The following TRHDE variants were observed in gnomAD, a reference collection of about 807,000 sequenced individuals.
The protein encoded by TRHDE is thyrotropin-releasing hormone-degrading ectoenzyme.
A neutral mutation model predicts 125.7 loss-of-function variants in TRHDE; 72 were observed. The observed-to-expected ratio is 0.57, with a 90% CI of 0.47 to 0.70. The LOEUF (loss-of-function observed/expected upper bound fraction) is 0.70, where lower values mean the gene tolerates loss of function less well. Ranked by LOEUF, TRHDE falls within the 30% of genes least tolerant of loss-of-function variation. TRHDE has a pLI of 0.00. For missense variants in TRHDE, 1,110 were observed against 1,327.1 expected, an observed-to-expected ratio of 0.84 and a Z score of 2.54; for synonymous variants, 509 against 509.1, an observed-to-expected ratio of 1.00 and a Z score of 0.00.
intron 1 of TRHDE, among the ~76,000 whole-genome samples, chr12:72,285,761 C>T (rs920878648): frequency 9.9e-5 from 15 of 152,082 alleles, no homozygotes; most frequent in African/African-American, 3.4e-4. Flanking sequence ...CCTCATAATC[C>T]GCCTACCTTG....
At chr12:72,390,813 A>C (rs1354436402) in intron 3 of TRHDE, among the ~76,000 whole-genome samples, 1 of 152,186 alleles carries the variant, frequency 6.6e-6, no homozygotes, top group Non-Finnish European at 1.5e-5. Flanking sequence ...TGATCTTATC[A>C]GATAATGAAG....
intron 2 of TRHDE, among the ~76,000 whole-genome samples, chr12:72,329,986 C>T (rs1261185466): frequency 1.3e-5 from 2 of 152,194 alleles, no homozygotes; most frequent in Non-Finnish European, 2.9e-5. Context: ...AATTGATCCG[C>T]TGTCAGTGCA....
chr12:72,482,886 G>T (rs1237660260), intron 5 of TRHDE, among the ~76,000 whole-genome samples: 8 of 151,856 alleles, frequency 5.3e-5, no homozygotes, highest in African/African-American at 1.9e-4. Flanking sequence ...CAAATTTGTT[G>T]CCCTAGTTTT....
At chr12:72,658,930 T>C (rs931872834) in intron 18 of TRHDE, among the ~76,000 whole-genome samples, 2 of 152,066 alleles carry the variant, frequency 1.3e-5, no homozygotes, top group Non-Finnish European at 2.9e-5. Flanking sequence ...TCAGATGGGG[T>C]GGGGGTTTTG....
chr12:72,610,485 C>A lies in TRHDE; in HGVS notation c.2322-8406C>A, dbSNP rs187506664. ...AGCAGCCAGAGTCACCCTTTTAAAG[C>A]GTAAATCAGATCGTGTCATTTCCCA... On this transcript the variant is annotated intron_variant, in intron 12 of 18. Transcript: ENST00000261180. 1.1e-4 allele frequency among the ~76,000 whole-genome samples: 16 copies of A among 152,300 alleles called. No homozygotes were observed. The East Asian group carries it at 2.7e-3, about 26-fold the overall frequency.
intron 12 of TRHDE, among the ~76,000 whole-genome samples, chr12:72,615,760 T>TC (rs1233394852): frequency 6.6e-6 from 1 of 152,056 alleles, no homozygotes; most frequent in East Asian, 1.9e-4. Flanking sequence ...CCAAAACACA[T>TC]TTGGATAAGA....
chr12:72,288,353 C>G (rs10879393), intron 2 of TRHDE, among the ~76,000 whole-genome samples: 14,891 of 152,100 alleles, frequency 0.098, 2,250 homozygotes, highest in African/African-American at 0.32. Context: ...AAAATAAAAT[C>G]TGCCAGCATA....
chr12:72,200,776 G>T (rs1043136648), intron 2 of TRHDE, among the ~76,000 whole-genome samples: 1 of 152,182 alleles, frequency 6.6e-6, no homozygotes, highest in Admixed American at 6.5e-5. Flanking sequence ...TGTCCTGCTT[G>T]TAAGGGTCTG....
chr12:72,318,747 AAAATGG>A lies in TRHDE; in HGVS notation c.1188+31796_1188+31801del, dbSNP rs1484665049. On this transcript the variant is annotated intron_variant, in intron 2 of 18. Transcript: ENST00000261180. ...TTTTGTGCCTTAATATCCTTGTCTA[AAAATGG>A]AACGATTTCAGAGTTATGAGGAATA... Among the ~76,000 whole-genome samples the A allele has an allele frequency of 2.0e-5, 3 of 152,220 alleles. No individual in the cohort carries two copies. The East Asian group carries it at 5.8e-4, about 29-fold the overall frequency.
At chr12:72,582,245 A>G (rs1391781278) in intron 12 of TRHDE, 2 of 982,660 alleles carry the variant, frequency 2.0e-6, no homozygotes, top group African/African-American at 3.5e-5. Flanking sequence ...TTTGAGATAT[A>G]TTAGAAGCCT....
chr12:72,215,071 C>T (rs1877858037), intron 2 of TRHDE, among the ~76,000 whole-genome samples: 1 of 152,118 alleles, frequency 6.6e-6, no homozygotes, highest in Non-Finnish European at 1.5e-5. Context: ...TTTTTAATCA[C>T]CTGGGTGCAG....
chr12:72,224,680 G>T (rs1003332758), intron 2 of TRHDE, among the ~76,000 whole-genome samples: 5 of 152,028 alleles, frequency 3.3e-5, no homozygotes, highest in Non-Finnish European at 7.4e-5. Flanking sequence ...GCTACTCAAA[G>T]ATAGCAATCA....
At chr12:72,429,658 G>A (rs761532336) in intron 3 of TRHDE, among the ~76,000 whole-genome samples, 1 of 151,898 alleles carries the variant, frequency 6.6e-6, no homozygotes, top group Non-Finnish European at 1.5e-5. Context: ...AGTATTGAGG[G>A]TTCCAATTTT....
chr12:72,411,848 G>A (rs1873524720), intron 3 of TRHDE, among the ~76,000 whole-genome samples: 1 of 152,150 alleles, frequency 6.6e-6, no homozygotes, highest in Non-Finnish European at 1.5e-5. Flanking sequence ...TATTTGAGCA[G>A]TGGAAGAGAT....
Position 72,413,483 on chromosome 12 carries a change from G to T in TRHDE, c.1315+35362G>T, listed in dbSNP as rs545090850. ...ATATATGTAAAATAAAATGATATTT[G>T]GACTACATATATGGTTAAACCTTAT... On this transcript the variant is annotated intron_variant, in intron 3 of 18. Coordinates refer to ENST00000261180, the MANE Select transcript of TRHDE (RefSeq NM_013381.3). Among the ~76,000 whole-genome samples the T allele has an allele frequency of 6.4e-3, 962 of 151,280 alleles. 8 individuals carry two copies. Among genetic ancestry groups the T allele is most frequent in the African/African-American group, 0.022 (889 of 41,346 alleles).
At chr12:72,352,097 TC>T (rs1870607566) in intron 2 of TRHDE, among the ~76,000 whole-genome samples, 1 of 151,914 alleles carries the variant, frequency 6.6e-6, no homozygotes, top group Non-Finnish European at 1.5e-5. Flanking sequence ...AACGTTTGTC[TC>T]CTCTGCTTAG....
chr12:72,554,095 G>A (rs1488495025), intron 7 of TRHDE, among the ~76,000 whole-genome samples: 5 of 151,846 alleles, frequency 3.3e-5, no homozygotes, highest in Admixed American at 1.3e-4. Context: ...TGATTCATGC[G>A]CTTCGGCCTC....
intron 8 of TRHDE, 54 bp from the exon 9 acceptor site, chr12:72,562,799 T>C (rs1021034300): frequency 4.2e-4 from 488 of 1,159,804 alleles, no homozygotes; most frequent in Non-Finnish European, 5.6e-4. Flanking sequence ...TTAATGTTAA[T>C]AATGTTGATA....
At chr12:72,118,313 T>TA (rs1875496406) in intron 2 of TRHDE, among the ~76,000 whole-genome samples, 1 of 152,172 alleles carries the variant, frequency 6.6e-6, no homozygotes, top group Non-Finnish European at 1.5e-5. Context: ...GAAATGATCA[T>TA]ATAGTTTTTG....
Sources: allele counts gnomAD v4.1 joint callset (sites outside exome capture counted in the v4.1 genomes callset), GRCh38; gene constraint gnomAD v4.1.1; transcripts MANE v1.5; gene names NCBI Gene and HGNC (gene_info 2026-07-23, HGNC 2026-07-21).